ROBO2: variants seen among roughly 807,000 people sequenced by gnomAD.
ROBO2 encodes roundabout homolog 2.
ROBO2 carries 53 observed loss-of-function variants against 160.8 expected under a neutral mutation model. That is an observed-to-expected ratio of 0.33 (90% CI 0.26 to 0.41). The LOEUF is 0.41. ROBO2 is among the 10% of genes least tolerant of loss of function. The pLI is 1.00. For missense variants in ROBO2, 1,577 were observed against 1,722.4 expected (o/e 0.92, Z 1.49); for synonymous variants, 664 against 611.7 (o/e 1.09, Z -1.26).
At chr3:77,323,135 G>A (rs1288612386) in intron 2 of ROBO2, among the ~76,000 whole-genome samples, 2 of 144,734 alleles carry the variant, frequency 1.4e-5, no homozygotes, top group Non-Finnish European at 3.0e-5. Flanking sequence ...TATAAAAAAA[G>A]TGTATGTAAT....
At chr3:76,452,745 G>A (rs1255394584) in intron 2 of ROBO2, among the ~76,000 whole-genome samples, 4 of 152,146 alleles carry the variant, frequency 2.6e-5, no homozygotes, top group East Asian at 1.9e-4. Flanking sequence ...CTGACGAATC[G>A]CCACACTGAC....
chr3:77,172,903 T>C (rs1328235718), intron 2 of ROBO2, among the ~76,000 whole-genome samples: 2 of 152,218 alleles, frequency 1.3e-5, no homozygotes, highest in African/African-American at 4.8e-5. Flanking sequence ...AGTCCTAGAA[T>C]TGTGACCCTC....
At chr3:76,398,379 G>T (rs1291402288) in intron 2 of ROBO2, among the ~76,000 whole-genome samples, 1 of 151,668 alleles carries the variant, frequency 6.6e-6, no homozygotes, top group African/African-American at 2.4e-5. Flanking sequence ...AATGCTAAAT[G>T]ACAAGTTAAT....
chr3:76,267,801 T>C (rs1027752854), intron 2 of ROBO2, among the ~76,000 whole-genome samples: 2 of 152,144 alleles, frequency 1.3e-5, no homozygotes, highest in Non-Finnish European at 2.9e-5. Context: ...AAATTAAAGC[T>C]ATATTAATGA....
intron 2 of ROBO2, among the ~76,000 whole-genome samples, chr3:76,484,706 C>A (rs1404057216): frequency 1.3e-5 from 2 of 152,096 alleles, no homozygotes; most frequent in Non-Finnish European, 2.9e-5. Context: ...CTTTATTATA[C>A]CCAAAATTTT....
At chr3:76,752,273 C>T (rs1182680649) in intron 2 of ROBO2, among the ~76,000 whole-genome samples, 1 of 151,080 alleles carries the variant, frequency 6.6e-6, no homozygotes, top group Non-Finnish European at 1.5e-5. Context: ...GAACATCACA[C>T]ACCGGGGCCT....
intron 2 of ROBO2, among the ~76,000 whole-genome samples, chr3:76,579,530 G>A (rs2085517016): frequency 6.6e-6 from 1 of 151,804 alleles, no homozygotes; most frequent in Admixed American, 6.6e-5. Context: ...TAATTCTACA[G>A]AAAAAAACAC....
intron 2 of ROBO2, among the ~76,000 whole-genome samples, chr3:76,502,524 C>T (rs1303825282): frequency 1.3e-5 from 2 of 152,176 alleles, no homozygotes; most frequent in South Asian, 2.1e-4. Flanking sequence ...TGACATTTTA[C>T]TTAGAAATAA....
At chr3:76,436,776 C>T (rs775098672) in intron 2 of ROBO2, among the ~76,000 whole-genome samples, 9 of 152,014 alleles carry the variant, frequency 5.9e-5, no homozygotes, top group Non-Finnish European at 8.8e-5. Context: ...GAAAGTGTCC[C>T]GTACATTGCT....
At chr3:76,558,844 T>C (rs2083978614) in intron 2 of ROBO2, among the ~76,000 whole-genome samples, 1 of 152,186 alleles carries the variant, frequency 6.6e-6, no homozygotes, top group Non-Finnish European at 1.5e-5. Context: ...CTCTGGAGAC[T>C]TTTCTGCCGA....
At chr3:77,553,346 C>A (rs2092991447) in intron 8 of ROBO2, among the ~76,000 whole-genome samples, 1 of 151,992 alleles carries the variant, frequency 6.6e-6, no homozygotes, top group African/African-American at 2.4e-5. Flanking sequence ...GTTGTTCTGT[C>A]TTTCCCTGAG....
chr3:77,439,623 A>G (rs1170609491), intron 2 of ROBO2, among the ~76,000 whole-genome samples: 3 of 152,108 alleles, frequency 2.0e-5, no homozygotes, highest in African/African-American at 7.2e-5. Context: ...CCTTGTATTA[A>G]TGCATTTCAA....
rs149441130 is a variant in ROBO2, at chr3:76,096,131, A to G, written c.109+158529A>G. ...CATGTGTGCAGTGCATGTCATAGGC[A>G]GTTCTCATGTTCTGAGAATCCTGTG... On this transcript the variant is annotated intron_variant, in intron 2 of 26. Transcript: ENST00000487694. 3.8e-3 allele frequency among the ~76,000 whole-genome samples: 586 copies of G among 152,306 alleles called. 4 individuals carry two copies. Among genetic ancestry groups the G allele is most frequent in the African/African-American group, 0.014 (562 of 41,574 alleles).
intron 2 of ROBO2, among the ~76,000 whole-genome samples, chr3:76,036,565 C>T (rs563497475): frequency 2.0e-5 from 3 of 150,138 alleles, no homozygotes; most frequent in South Asian, 2.1e-4. Context: ...AGCTCAATGG[C>T]GTGATCTCGG....
intron 2 of ROBO2, among the ~76,000 whole-genome samples, chr3:77,419,215 A>G (rs1437847619): frequency 6.6e-6 from 1 of 152,096 alleles, no homozygotes; most frequent in Non-Finnish European, 1.5e-5. Context: ...ACGTTAAATC[A>G]TACTTTGTCA....
intron 2 of ROBO2, among the ~76,000 whole-genome samples, chr3:76,580,291 C>G (rs1442434594): frequency 8.0e-6 from 1 of 124,836 alleles, no homozygotes; most frequent in Non-Finnish European, 1.7e-5. Context: ...CTTAGCTTCT[C>G]TCCCCCAACT....
chr3:76,329,922 C>T (rs1050776110), intron 2 of ROBO2, among the ~76,000 whole-genome samples: 3 of 151,974 alleles, frequency 2.0e-5, no homozygotes, highest in Non-Finnish European at 4.4e-5. Flanking sequence ...ACTTCAGGAG[C>T]GTTTTCAAAG....
chr3:76,856,312 A>G (rs2070069958), intron 2 of ROBO2, among the ~76,000 whole-genome samples: 1 of 152,144 alleles, frequency 6.6e-6, no homozygotes, highest in African/African-American at 2.4e-5. Context: ...TATTGTGTAT[A>G]TTTACATATG....
chr3:76,638,184 C>T (rs2090442588), intron 2 of ROBO2, among the ~76,000 whole-genome samples: 2 of 152,150 alleles, frequency 1.3e-5, no homozygotes, highest in Admixed American at 1.3e-4. Context: ...TTATAGGAAG[C>T]CCTCACATGA....
Sources: allele counts gnomAD v4.1 joint callset (sites outside exome capture counted in the v4.1 genomes callset), GRCh38; gene constraint gnomAD v4.1.1; transcripts MANE v1.5; gene names NCBI Gene and HGNC (gene_info 2026-07-23, HGNC 2026-07-21).